The following BMPR2 variants were observed in gnomAD, a reference collection of about 807,000 sequenced individuals.
BMPR2 encodes the protein bone morphogenetic protein receptor type-2.
Under a neutral mutation model 100.8 loss-of-function variants are expected in BMPR2, and 29 were observed. The observed-to-expected ratio is 0.29, with a 90% CI of 0.21 to 0.39. The LOEUF is 0.39. BMPR2 is among the 10% of genes least tolerant of loss of function. BMPR2 has a pLI of 1.00. For missense variants in BMPR2, 1,011 were observed against 1,274.5 expected, an observed-to-expected ratio of 0.79 and a Z score of 3.15; for synonymous variants, 382 against 442.3, an observed-to-expected ratio of 0.86 and a Z score of 1.71.
At chr2:202,476,073 T>A (rs996236911) in intron 3 of BMPR2, among the ~76,000 whole-genome samples, 3 of 116,020 alleles carry the variant, frequency 2.6e-5, no homozygotes, top group Non-Finnish European at 5.1e-5. Flanking sequence ...AAACTCTGTC[T>A]CAAGGTTAAA....
chr2:202,528,549 G>T (rs905859776), intron 7 of BMPR2, among the ~76,000 whole-genome samples: 2 of 152,210 alleles, frequency 1.3e-5, no homozygotes, highest in Non-Finnish European at 2.9e-5. Flanking sequence ...TAGAAATATT[G>T]TAAGTTGAAA....
chr2:202,435,769 T>C (rs1275872864), intron 1 of BMPR2, among the ~76,000 whole-genome samples: 1 of 150,358 alleles, frequency 6.7e-6, no homozygotes, highest in Admixed American at 6.6e-5. Flanking sequence ...TGTGTTTAGA[T>C]ACACAGATAC....
intron 12 of BMPR2, among the ~76,000 whole-genome samples, chr2:202,559,062 G>C (rs1448501868): frequency 1.3e-5 from 2 of 152,044 alleles, no homozygotes; most frequent in African/African-American, 4.8e-5. Flanking sequence ...CACTTAGGGA[G>C]GCTGAGTCGG....
At position 202,464,868 on chromosome 2, in the gene BMPR2, A is replaced by G. The variant is rs759804753; in HGVS notation, c.136A>G (p.Ile46Val). The G allele has an allele frequency of 1.9e-6, 3 of 1,613,998 alleles. No homozygotes were observed. In the African/African-American group the frequency reaches 4.0e-5, roughly 22 times the overall value. ...FKDPYQQDLG[I>V]GESRISHENG... ...AGATCCGTATCAGCAAGACCTTGGG[A>G]TAGGTGAGAGTAGAATCTCTCATGA... Residue 46 changes from isoleucine (I) to valine (V), a missense_variant, in exon 2 of 13, where the codon ATA (isoleucine) becomes GTA (valine). Transcript: ENST00000374580.
intron 3 of BMPR2, among the ~76,000 whole-genome samples, chr2:202,491,167 C>T (rs1027149105): frequency 6.6e-6 from 1 of 152,104 alleles, no homozygotes; most frequent in Non-Finnish European, 1.5e-5. Context: ...AGCAGTCCTC[C>T]CACCTCAGCC....
In BMPR2 at chr2:202,495,474, G is replaced by A. The variant is rs375101117; in HGVS notation, c.419-18245G>A. Among the ~76,000 whole-genome samples the A allele has an allele frequency of 9.9e-5, 15 of 152,144 alleles. No homozygotes were observed. ...CGACGACCAGCCACTTTCTTCCGCC[G>A]ATGTGCTCCTCTTTACGTCTGGCCG... On this transcript the variant is annotated intron_variant, in intron 3 of 12. Coordinates refer to ENST00000374580, the MANE Select transcript of BMPR2 (RefSeq NM_001204.7). This position sits in a 1 kb window ranked among gnomAD's most constrained non-coding sequence, Gnocchi z 4.5.
intron 3 of BMPR2, among the ~76,000 whole-genome samples, chr2:202,493,309 T>A (rs760495439): frequency 4.8e-4 from 73 of 152,242 alleles, no homozygotes; most frequent in African/African-American, 1.5e-3. Flanking sequence ...ACTTTTTTTT[T>A]AAAGTTGTAT....
At chr2:202,438,997 C>T (rs770029595) in intron 1 of BMPR2, among the ~76,000 whole-genome samples, 3 of 150,492 alleles carry the variant, frequency 2.0e-5, no homozygotes, top group South Asian at 2.1e-4. Context: ...AATTTCTACT[C>T]GAAAGGCAGC....
Position 202,536,538 on chromosome 2 carries a change from G to A in BMPR2, c.1276+3806G>A, listed in dbSNP as rs542530413. ...TTAAAAGTACAGAGATTCAATTGAGGCATTTTTCTGAAAATAGCAGTAATT... is the reference window on the plus strand; with the variant it reads ...TTAAAAGTACAGAGATTCAATTGAGACATTTTTCTGAAAATAGCAGTAATT... On this transcript the variant is annotated intron_variant, in intron 9 of 12. Coordinates refer to ENST00000374580, the MANE Select transcript of BMPR2 (RefSeq NM_001204.7). Among the ~76,000 whole-genome samples, 87 of 151,932 alleles carry A rather than the reference G, an allele frequency of 5.7e-4. 1 individual carries two copies. The highest frequency in any genetic ancestry group is 4.3e-3 in the Admixed American group (65 of 15,246).
intron 1 of BMPR2, among the ~76,000 whole-genome samples, chr2:202,427,181 T>A (rs1383703084): frequency 6.6e-6 from 1 of 151,812 alleles, no homozygotes; most frequent in Non-Finnish European, 1.5e-5. Flanking sequence ...GAGACCCCCG[T>A]CTCTACAGAA....
intron 1 of BMPR2, among the ~76,000 whole-genome samples, chr2:202,451,811 A>G (rs896187278): frequency 2.6e-5 from 4 of 152,038 alleles, no homozygotes; most frequent in African/African-American, 9.7e-5. Flanking sequence ...GTGCAATGGC[A>G]TGATCTCAGC....
At chr2:202,493,127 A>G (rs970798398) in intron 3 of BMPR2, among the ~76,000 whole-genome samples, 3 of 152,170 alleles carry the variant, frequency 2.0e-5, no homozygotes, top group Non-Finnish European at 2.9e-5. Flanking sequence ...GTTTAGTTCT[A>G]TATTGTGAGT....
At chr2:202,416,900 G>A (rs534802786) in intron 1 of BMPR2, among the ~76,000 whole-genome samples, 1 of 150,224 alleles carries the variant, frequency 6.7e-6, no homozygotes, top group African/African-American at 2.5e-5. Flanking sequence ...GCAGTGGTGT[G>A]ATCTTGGCTC....
chr2:202,437,771 A>ATAATGT (rs1691645169), intron 1 of BMPR2, among the ~76,000 whole-genome samples: 1 of 150,604 alleles, frequency 6.6e-6, no homozygotes, highest in Non-Finnish European at 1.5e-5. Context: ...TTCAGGGTCC[A>ATAATGT]TCCATGTTGT....
In BMPR2 at chr2:202,494,924, G is replaced by T. The variant is rs1296373600; in HGVS notation, c.419-18795G>T. Among the ~76,000 whole-genome samples, 6 of 152,262 alleles carry T rather than the reference G, an allele frequency of 3.9e-5. No homozygotes were observed. The East Asian group carries it at 1.2e-3, about 29-fold the overall frequency. ...TATGGTTTATAATGAAATGGGAAAA[G>T]TTCCCTTGTCCTGACAGGGTGCGTG... On this transcript the variant is annotated intron_variant, in intron 3 of 12. Coordinates refer to ENST00000374580, the MANE Select transcript of BMPR2 (RefSeq NM_001204.7).
In BMPR2 at chr2:202,455,804, G is replaced by A. The variant is rs368699809; in HGVS notation, c.77-9005G>A. 2.9e-3 allele frequency among the ~76,000 whole-genome samples: 444 copies of A among 151,302 alleles called. 2 individuals carry two copies. Among genetic ancestry groups the A allele is most frequent in the African/African-American group, 0.01 (429 of 41,242 alleles). On this transcript the variant is annotated intron_variant, in intron 1 of 12. Coordinates refer to ENST00000374580, the MANE Select transcript of BMPR2 (RefSeq NM_001204.7). ...AGTATTGCCAGGGGCGGTGGCTCAC[G>A]CCTGTAATCCCAGCACTTTGGGAGG...
In BMPR2 at chr2:202,553,877, A is replaced by G. The variant is rs150606801; in HGVS notation, c.1586+989A>G. ...CTAATTTTGTATATTTATTAGAGAC[A>G]GGGTTTCACCATGTTAGCCAGACTG... On this transcript the variant is annotated intron_variant, in intron 11 of 12. Coordinates refer to ENST00000374580, the MANE Select transcript of BMPR2 (RefSeq NM_001204.7). 4.5e-3 allele frequency among the ~76,000 whole-genome samples: 681 copies of G among 152,248 alleles called. 2 individuals are homozygous for G. Among genetic ancestry groups the G allele is most frequent in the African/African-American group, 0.015 (615 of 41,556 alleles).
intron 1 of BMPR2, among the ~76,000 whole-genome samples, chr2:202,381,653 A>G (rs990909667): frequency 2.6e-5 from 4 of 152,188 alleles, no homozygotes; most frequent in African/African-American, 9.6e-5. Context: ...TTCTCAGTAG[A>G]CCACATATAA....
rs1350576072 is a variant in BMPR2, at chr2:202,377,083, A to G, written c.-392A>G. 5.7e-6 allele frequency: 3 copies of G among 525,884 alleles called. No homozygotes were observed. Among genetic ancestry groups the G allele is most frequent in the Non-Finnish European group, 1.0e-5 (3 of 300,204 alleles). 32.6% of individuals were successfully genotyped at this position (525,884 alleles called of 1,614,324 possible). On this transcript the variant is annotated 5_prime_UTR_variant, in exon 1 of 13. Coordinates refer to ENST00000374580, the MANE Select transcript of BMPR2 (RefSeq NM_001204.7). ...TCTGACCCTCGCCCCCCGACCCCGG[A>G]TCGAATCCCCGCCCTCCGCACCCTG...
Sources: gnomAD v4.1 joint callset for allele counts (sites outside exome capture counted in the v4.1 genomes callset) on GRCh38, gnomAD v4.1.1 for gene constraint, Gnocchi (gnomAD v3.1) non-coding constraint, MANE v1.5 for transcripts, NCBI Gene and HGNC (gene_info 2026-07-23, HGNC 2026-07-21) for gene names.